Variants in ARHGEF28 observed in about 807,000 individuals in gnomAD.
ARHGEF28 encodes 190 kDa guanine nucleotide exchange factor.
ARHGEF28 carries 152 observed loss-of-function variants against 206.6 expected under a neutral mutation model. That is an observed-to-expected ratio of 0.74 (90% confidence interval 0.64 to 0.84). The LOEUF (loss-of-function observed/expected upper bound fraction) is 0.84, where lower values mean the gene tolerates loss of function less well. Ranked by LOEUF, ARHGEF28 falls within the 40% of genes least tolerant of loss-of-function variation. The pLI is 0.00. For synonymous variants in ARHGEF28, 763 were observed against 776.4 expected (o/e 0.98, Z 0.29); for missense variants, 2,028 against 2,073.2 (o/e 0.98, Z 0.42).
intron 2 of ARHGEF28, among the ~76,000 whole-genome samples, chr5:73,687,863 A>G (rs555271054): frequency 1.2e-4 from 19 of 152,280 alleles, no homozygotes; most frequent in Admixed American, 9.8e-4. Flanking sequence ...AGTTTTATCT[A>G]TATCTCTGTT....
Position 73,792,642 on chromosome 5 carries a change from CT to C in ARHGEF28, c.911-1740del, listed in dbSNP as rs397943639. On this transcript the variant is annotated intron_variant, in intron 7 of 35. Coordinates refer to ENST00000513042, the MANE Select transcript of ARHGEF28 (RefSeq NM_001177693.2). ...CTCTGGTCCAGGTTATCCTTCCCTTCTTTTTTTTTTTTTTTTTTTTAACGCC... is the reference window on the plus strand; with the variant it reads ...CTCTGGTCCAGGTTATCCTTCCCTTCTTTTTTTTTTTTTTTTTTTAACGCC... Among the ~76,000 whole-genome samples, 230 of 122,046 alleles carry C rather than the reference CT, an allele frequency of 1.9e-3. 3 individuals carry two copies. The South Asian group carries it at 0.023, about 12-fold the overall frequency. 80.1% of individuals were successfully genotyped at this position (122,046 alleles called of 152,430 possible).
chr5:73,776,445 A>G (rs747099337), intron 5 of ARHGEF28, 71 bp from the exon 6 acceptor site: 4 of 1,393,774 alleles, frequency 2.9e-6, no homozygotes, highest in East Asian at 2.3e-5. Context: ...AGGGGCAGTG[A>G]TCCTAAGGGC....
At chr5:73,824,030 C>T (rs1033163279) in intron 9 of ARHGEF28, among the ~76,000 whole-genome samples, 1 of 152,156 alleles carries the variant, frequency 6.6e-6, no homozygotes, top group Non-Finnish European at 1.5e-5. Context: ...AGCAGGTGTT[C>T]CAGAGATGCT....
intron 22 of ARHGEF28, among the ~76,000 whole-genome samples, chr5:73,873,510 A>G (rs76617592): frequency 6.6e-6 from 1 of 152,132 alleles, no homozygotes. Flanking sequence ...GGAAAAAAAA[A>G]TCAGGAATTC....
chr5:73,789,013 G>A (rs1278918076), intron 7 of ARHGEF28, among the ~76,000 whole-genome samples: 2 of 152,038 alleles, frequency 1.3e-5, no homozygotes, highest in African/African-American at 2.4e-5. Flanking sequence ...ATACTCCTAG[G>A]CATATACTTA....
At chr5:73,867,496 A>G (rs1394763450) in intron 18 of ARHGEF28, among the ~76,000 whole-genome samples, 1 of 152,218 alleles carries the variant, frequency 6.6e-6, no homozygotes, top group Admixed American at 6.5e-5. Flanking sequence ...TTATACACAC[A>G]ATATGCATTC....
chr5:73,739,240 A>G (rs979593450), intron 2 of ARHGEF28, among the ~76,000 whole-genome samples: 5 of 152,248 alleles, frequency 3.3e-5, no homozygotes, highest in Non-Finnish European at 7.3e-5. Flanking sequence ...ATTCGATGGA[A>G]AAATGACAAC....
chr5:73,670,929 T>A (rs1441558448), intron 1 of ARHGEF28, among the ~76,000 whole-genome samples: 5 of 152,216 alleles, frequency 3.3e-5, no homozygotes, highest in Non-Finnish European at 7.4e-5. Flanking sequence ...TTCATCCTCC[T>A]TACATGGGCT....
intron 35 of ARHGEF28, 100 bp downstream of exon 35, chr5:73,911,675 T>C: frequency 3.2e-6 from 4 of 1,231,952 alleles, no homozygotes; most frequent in Non-Finnish European, 4.5e-6. Flanking sequence ...CTCCCTAGCA[T>C]GGGAATAAAT....
intron 7 of ARHGEF28, among the ~76,000 whole-genome samples, chr5:73,787,005 T>C (rs1183954521): frequency 2.0e-5 from 3 of 152,220 alleles, no homozygotes; most frequent in Non-Finnish European, 2.9e-5. Flanking sequence ...TTTTCCTTAT[T>C]TGAATATCTC....
intron 7 of ARHGEF28, among the ~76,000 whole-genome samples, chr5:73,793,177 T>G (rs1435596594): frequency 2.0e-5 from 3 of 152,264 alleles, no homozygotes; most frequent in African/African-American, 7.2e-5. Context: ...GTAGTATTAC[T>G]TGCTTTCTGC....
intron 2 of ARHGEF28, among the ~76,000 whole-genome samples, chr5:73,726,157 T>C (rs372675052): frequency 1.3e-5 from 2 of 152,264 alleles, no homozygotes; most frequent in African/African-American, 4.8e-5. Flanking sequence ...TGTGTGCATA[T>C]GTGTGCCTGT....
At chr5:73,859,045 C>T (rs905829854) in intron 16 of ARHGEF28, among the ~76,000 whole-genome samples, 6 of 152,188 alleles carry the variant, frequency 3.9e-5, no homozygotes, top group African/African-American at 1.4e-4. Context: ...ACTCAGACAA[C>T]AGCTTCTCAG....
At chr5:73,832,628 G>A (rs1223426637) in intron 10 of ARHGEF28, among the ~76,000 whole-genome samples, 169 bp downstream of exon 10, 1 of 152,156 alleles carries the variant, frequency 6.6e-6, no homozygotes, top group African/African-American at 2.4e-5. Context: ...TTTAACTTAG[G>A]TGCTTACTTC....
chr5:73,830,380 C>T (rs573291397), intron 9 of ARHGEF28, among the ~76,000 whole-genome samples: 16 of 151,848 alleles, frequency 1.1e-4, no homozygotes, highest in Admixed American at 2.0e-4. Context: ...GGTGAAACCC[C>T]GTCTCTACTG....
intron 29 of ARHGEF28, among the ~76,000 whole-genome samples, chr5:73,897,109 T>C (rs937805130): frequency 1.3e-5 from 2 of 152,232 alleles, no homozygotes; most frequent in African/African-American, 4.8e-5. Flanking sequence ...TCTTTTCTTC[T>C]GTCTCTTCCT....
At chr5:73,785,873 C>T (rs1015888480) in intron 7 of ARHGEF28, among the ~76,000 whole-genome samples, 2 of 151,856 alleles carry the variant, frequency 1.3e-5, no homozygotes, top group African/African-American at 2.4e-5. Flanking sequence ...CCGCTCTCAC[C>T]GGCTCAAAGT....
intron 27 of ARHGEF28, among the ~76,000 whole-genome samples, chr5:73,892,660 AT>A: frequency 1.3e-5 from 2 of 152,178 alleles, no homozygotes; most frequent in South Asian, 4.2e-4. Flanking sequence ...TTCATGTCTT[AT>A]GTTTCTCTGT....
chr5:73,864,582 C>T (rs911086395), intron 16 of ARHGEF28, among the ~76,000 whole-genome samples: 1 of 152,078 alleles, frequency 6.6e-6, no homozygotes, highest in Non-Finnish European at 1.5e-5. Flanking sequence ...TTGATAAGAT[C>T]CTGTGTATAA....
Sources: allele counts gnomAD v4.1 joint callset (sites outside exome capture counted in the v4.1 genomes callset), GRCh38; gene constraint gnomAD v4.1.1; transcripts MANE v1.5; gene names NCBI Gene and HGNC (gene_info 2026-07-23, HGNC 2026-07-21).